Variants in BAZ2B observed in about 807,000 individuals in gnomAD.
The protein encoded by BAZ2B is bromodomain adjacent to zinc finger domain protein 2B.
A neutral mutation model predicts 246.0 loss-of-function variants in BAZ2B; 91 were observed. The observed-to-expected ratio is 0.37, with a 90% confidence interval of 0.31 to 0.44. The LOEUF (loss-of-function observed/expected upper bound fraction) is 0.44, where lower values mean the gene tolerates loss of function less well. Among genes scored for constraint, BAZ2B ranks in the 20% least tolerant of loss-of-function variants. The pLI is 1.00. For missense variants in BAZ2B, 2,332 were observed against 2,533.7 expected (o/e 0.92, Z 1.71); for synonymous variants, 855 against 860.0 (o/e 0.99, Z 0.10).
the BAZ2B span, among the ~76,000 whole-genome samples, chr2:159,640,394 A>G: frequency 2.6e-5 from 4 of 152,290 alleles, no homozygotes; most frequent in African/African-American, 9.6e-5. Flanking sequence ...GCTGCAGAAT[A>G]TACATTCTTC....
In BAZ2B at chr2:159,409,201, T is replaced by G. The variant is rs188918533; in HGVS notation, c.2677+3134A>C. ...GATATTTTGGATATAACTCATTTCTTTGATCCTAAGATGCATTTTTAAACA... is the reference window on the plus strand; with the variant it reads ...GATATTTTGGATATAACTCATTTCTGTGATCCTAAGATGCATTTTTAAACA... On this transcript the variant is annotated intron_variant, in intron 14 of 36. Transcript: ENST00000392783. 1.6e-3 allele frequency among the ~76,000 whole-genome samples: 237 copies of G among 152,320 alleles called. 1 individual carries two copies. Among genetic ancestry groups the G allele is most frequent in the African/African-American group, 5.3e-3 (222 of 41,578 alleles).
the BAZ2B span, among the ~76,000 whole-genome samples, chr2:159,638,113 AG>A: frequency 6.6e-6 from 1 of 152,228 alleles, no homozygotes; most frequent in Admixed American, 6.5e-5. Flanking sequence ...GAAGAAAGTA[AG>A]AAAAAAGAAC....
intron 8 of BAZ2B, 183 bp from the exon 9 acceptor site, chr2:159,433,546 A>G: frequency 2.1e-6 from 1 of 478,488 alleles, no homozygotes; most frequent in Non-Finnish European, 3.5e-6. Flanking sequence ...TTTTGGCTCT[A>G]ATTTATTAAA....
chr2:159,644,707 T>C, the BAZ2B span, among the ~76,000 whole-genome samples: 1 of 152,194 alleles, frequency 6.6e-6, no homozygotes, highest in African/African-American at 2.4e-5. Flanking sequence ...TCTTTGTTGT[T>C]ATAATTGCAT....
At chr2:159,694,146 A>G in the BAZ2B span, 1 of 152,106 alleles carries the variant, frequency 6.6e-6, no homozygotes, top group Non-Finnish European at 1.5e-5. Flanking sequence ...TGTCCTTATA[A>G]GAGGAGGTTA....
intron 36 of BAZ2B, among the ~76,000 whole-genome samples, chr2:159,323,519 G>C (rs190614525): frequency 2.0e-4 from 31 of 152,056 alleles, no homozygotes; most frequent in Admixed American, 3.9e-4. Context: ...ACAAACAAAA[G>C]AGGCTGGGTG....
chr2:159,338,971 C>A (rs567340781), intron 31 of BAZ2B, among the ~76,000 whole-genome samples: 20 of 152,158 alleles, frequency 1.3e-4, no homozygotes, highest in African/African-American at 3.4e-4. Context: ...GTAGGAACGA[C>A]ACTTTATCCA....
intron 27 of BAZ2B, among the ~76,000 whole-genome samples, chr2:159,360,468 T>C (rs2059565001): frequency 6.6e-6 from 1 of 152,062 alleles, no homozygotes; most frequent in South Asian, 2.1e-4. Context: ...CACAAACAAA[T>C]GAAAAACATT....
At chr2:159,435,675 G>A (rs993229790) in intron 8 of BAZ2B, 1 of 152,060 alleles carries the variant, frequency 6.6e-6, no homozygotes, top group Admixed American at 6.6e-5. Flanking sequence ...TTTTAGTAGA[G>A]AAGGGGTTTC....
At chr2:159,344,625 A>G (rs1450791806) in intron 31 of BAZ2B, among the ~76,000 whole-genome samples, 1 of 152,180 alleles carries the variant, frequency 6.6e-6, no homozygotes, top group Non-Finnish European at 1.5e-5. Flanking sequence ...GAATCCAGGT[A>G]TTCAACAACA....
the BAZ2B span, among the ~76,000 whole-genome samples, chr2:159,674,386 A>AAAGAAAAGAAAAGAGAAGAG: frequency 1.1e-4 from 15 of 137,084 alleles, no homozygotes; most frequent in African/African-American, 3.8e-4. Flanking sequence ...GAAGGGAAGA[A>AAAGAAAAGAAAAGAGAAGAG]AAGAAAAGAA....
At chr2:159,544,967 G>A (rs2087131063) in intron 2 of BAZ2B, among the ~76,000 whole-genome samples, 2 of 152,190 alleles carry the variant, frequency 1.3e-5, no homozygotes, top group Non-Finnish European at 2.9e-5. Flanking sequence ...CACTGAAAAA[G>A]TTAGCAAGAC....
At chr2:159,484,073 A>G (rs76069141) in intron 2 of BAZ2B, among the ~76,000 whole-genome samples, 2,312 of 152,266 alleles carry the variant, frequency 0.015, 53 homozygotes, top group African/African-American at 0.053. Flanking sequence ...ACAACTGGAA[A>G]AGTGCTAATG....
chr2:159,669,584 C>T, the BAZ2B span, among the ~76,000 whole-genome samples: 1 of 152,090 alleles, frequency 6.6e-6, no homozygotes, highest in Non-Finnish European at 1.5e-5. Context: ...TGCTGTTACT[C>T]AGGCATTTGT....
chr2:159,328,356 T>C (rs1387110778), intron 34 of BAZ2B, among the ~76,000 whole-genome samples: 1 of 152,136 alleles, frequency 6.6e-6, no homozygotes, highest in Non-Finnish European at 1.5e-5. Flanking sequence ...TCATGAACAA[T>C]GGTACATATC....
At chr2:159,675,323 C>T in the BAZ2B span, among the ~76,000 whole-genome samples, 1 of 151,152 alleles carries the variant, frequency 6.6e-6, no homozygotes, top group Non-Finnish European at 1.5e-5. Context: ...TACAGTTTAA[C>T]AAATGTTAAA....
intron 31 of BAZ2B, among the ~76,000 whole-genome samples, chr2:159,342,844 C>T (rs2066980114): frequency 6.6e-6 from 1 of 152,058 alleles, no homozygotes; most frequent in South Asian, 2.1e-4. Flanking sequence ...TAATACTACC[C>T]AATGCGATCT....
At chr2:159,343,118 C>T (rs1240671459) in intron 31 of BAZ2B, among the ~76,000 whole-genome samples, 1 of 152,156 alleles carries the variant, frequency 6.6e-6, no homozygotes, top group Non-Finnish European at 1.5e-5. Context: ...ATCCACACCT[C>T]TACAATCAAC....
intron 25 of BAZ2B, among the ~76,000 whole-genome samples, chr2:159,380,222 A>T (rs774732933): frequency 2.0e-5 from 3 of 152,152 alleles, no homozygotes; most frequent in Non-Finnish European, 4.4e-5. Context: ...TAACATCTGT[A>T]AAATCCTTGG....
Sources: gnomAD v4.1 joint callset for allele counts (sites outside exome capture counted in the v4.1 genomes callset) on GRCh38, gnomAD v4.1.1 for gene constraint, MANE v1.5 for transcripts, NCBI Gene and HGNC (gene_info 2026-07-23, HGNC 2026-07-21) for gene names.